FBXL13: variants seen among roughly 807,000 people sequenced by gnomAD.
FBXL13 encodes F-box and leucine rich repeat protein 13, also known as F-box and leucine-rich repeat protein 13.
FBXL13 carries 67 observed loss-of-function variants against 83.6 expected under a neutral mutation model. That is an observed-to-expected ratio of 0.80 (90% CI 0.66 to 0.98). The LOEUF (loss-of-function observed/expected upper bound fraction) is 0.98, where lower values mean the gene tolerates loss of function less well. FBXL13 is among the 50% of genes least tolerant of loss of function. The pLI, the probability that FBXL13 is intolerant of heterozygous loss-of-function variation, is 0.00. For synonymous variants in FBXL13, 272 were observed against 299.5 expected (o/e 0.91, Z 0.95); for missense variants, 822 against 866.5 (o/e 0.95, Z 0.64).
chr7:103,061,993 A>C, intron 1 of FBXL13, among the ~76,000 whole-genome samples: 1 of 148,428 alleles, frequency 6.7e-6, no homozygotes, highest in African/African-American at 2.5e-5. Flanking sequence ...GAAACATAAA[A>C]CATAAAAACT....
chr7:102,930,028 G>T (rs1015152011), intron 9 of FBXL13, among the ~76,000 whole-genome samples: 5 of 152,070 alleles, frequency 3.3e-5, no homozygotes, highest in African/African-American at 1.2e-4. Context: ...GGCTAGGGGT[G>T]GTGGGGAGGG....
intron 17 of FBXL13, 100 bp from the exon 19 acceptor site, chr7:102,833,074 A>G: frequency 7.8e-7 from 1 of 1,273,916 alleles, no homozygotes; most frequent in Non-Finnish European, 1.1e-6. Flanking sequence ...TCCCTGAAAT[A>G]CAGATGTTAG....
intron 6 of FBXL13, among the ~76,000 whole-genome samples, chr7:102,968,522 A>C (rs1328003608): frequency 6.6e-6 from 1 of 152,222 alleles, no homozygotes; most frequent in Admixed American, 6.5e-5. Context: ...TTCCTTCTAA[A>C]GATATAGGAT....
At chr7:102,872,959 C>A (rs1347730468) in intron 16 of FBXL13, among the ~76,000 whole-genome samples, 5 of 152,138 alleles carry the variant, frequency 3.3e-5, no homozygotes, top group African/African-American at 1.2e-4. Flanking sequence ...CTATTTTCCA[C>A]AAAAGGAATA....
At chr7:102,987,558 G>A (rs1017393536) in intron 6 of FBXL13, among the ~76,000 whole-genome samples, 9 of 152,210 alleles carry the variant, frequency 5.9e-5, no homozygotes, top group South Asian at 2.1e-4. Flanking sequence ...CATTTTATAC[G>A]AATTTGAATT....
At chr7:102,950,402 G>T (rs982444152) in intron 8 of FBXL13, among the ~76,000 whole-genome samples, 13 of 152,208 alleles carry the variant, frequency 8.5e-5, no homozygotes, top group Non-Finnish European at 1.6e-4. Context: ...CTCATTCATT[G>T]CTGATGAGAA....
intron 6 of FBXL13, among the ~76,000 whole-genome samples, chr7:103,001,316 T>C (rs929442255): frequency 2.6e-5 from 4 of 152,084 alleles, no homozygotes; most frequent in African/African-American, 7.2e-5. Context: ...ATATGTGAAA[T>C]AGGTTTCTTG....
chr7:102,939,467 T>G, intron 8 of FBXL13: 1 of 1,613,618 alleles, frequency 6.2e-7, no homozygotes, highest in Non-Finnish European at 8.5e-7. Context: ...CTCCAGATAT[T>G]GTTAAACTTG....
intron 6 of FBXL13, among the ~76,000 whole-genome samples, chr7:102,986,970 T>C (rs1006772896): frequency 6.6e-6 from 1 of 150,782 alleles, no homozygotes; most frequent in Non-Finnish European, 1.5e-5. Context: ...CACCATAGAA[T>C]ACTAAGCCAT....
chr7:102,889,380 G>A (rs1196641855), intron 11 of FBXL13, among the ~76,000 whole-genome samples: 1 of 152,042 alleles, frequency 6.6e-6, no homozygotes, highest in Non-Finnish European at 1.5e-5. Flanking sequence ...CACAACCCCA[G>A]GTTTGAGAAC....
At chr7:102,972,025 C>CAA (rs199784264) in intron 6 of FBXL13, among the ~76,000 whole-genome samples, 4 of 90,984 alleles carry the variant, frequency 4.4e-5, no homozygotes, top group Admixed American at 1.3e-4. Flanking sequence ...GAGTCCATCT[C>CAA]AAAAAAAAAA....
chr7:102,973,679 C>T (rs911456404), intron 6 of FBXL13: 1 of 766,428 alleles, frequency 1.3e-6, no homozygotes, highest in Admixed American at 1.7e-5. Context: ...CCCTCCGCCC[C>T]AGAAAGCAGG....
intron 6 of FBXL13, among the ~76,000 whole-genome samples, chr7:103,017,705 A>C (rs1414067586): frequency 6.6e-6 from 1 of 152,258 alleles, no homozygotes; most frequent in Non-Finnish European, 1.5e-5. Flanking sequence ...GATTCCATCA[A>C]GTGGAAGAAA....
intron 14 of FBXL13, 110 bp from the exon 16 acceptor site, chr7:102,878,560 ATC>A: frequency 1.6e-6 from 1 of 609,686 alleles, no homozygotes; most frequent in Non-Finnish European, 2.5e-6. Context: ...GCAAGGTAAT[ATC>A]TATATACTGG....
intron 6 of FBXL13, among the ~76,000 whole-genome samples, chr7:102,974,885 C>T (rs1827243132): frequency 6.6e-6 from 1 of 152,114 alleles, no homozygotes; most frequent in South Asian, 2.1e-4. Context: ...CAGCAGTATC[C>T]ACTTCTTTTC....
At chr7:102,951,423 G>A (rs972778357) in intron 8 of FBXL13, among the ~76,000 whole-genome samples, 7 of 72,130 alleles carry the variant, frequency 9.7e-5, no homozygotes, top group East Asian at 8.0e-4. Context: ...AAAAAAAAAC[G>A]AAAAGAAAGC....
intron 2 of FBXL13, among the ~76,000 whole-genome samples, chr7:103,043,403 G>A (rs1219854567): frequency 6.6e-6 from 1 of 152,222 alleles, no homozygotes; most frequent in Non-Finnish European, 1.5e-5. Flanking sequence ...TGTTGTGGAA[G>A]ACAGTGTGGT....
At chr7:102,981,416 A>G (rs1585230816) in intron 6 of FBXL13, among the ~76,000 whole-genome samples, 1 of 61,930 alleles carries the variant, frequency 1.6e-5, no homozygotes, top group African/African-American at 5.4e-5. Flanking sequence ...CCCCTTACCC[A>G]CCTCTTTTTC....
At chr7:102,830,386 T>G (rs1014130537) in intron 18 of FBXL13, among the ~76,000 whole-genome samples, 1 of 152,184 alleles carries the variant, frequency 6.6e-6, no homozygotes, top group African/African-American at 2.4e-5. Flanking sequence ...GTTGCCCATA[T>G]GTCTGTGTGC....
Sources: allele counts gnomAD v4.1 joint callset (sites outside exome capture counted in the v4.1 genomes callset), GRCh38; gene constraint gnomAD v4.1.1; transcripts MANE v1.5; gene names NCBI Gene and HGNC (gene_info 2026-07-23, HGNC 2026-07-21).